Variants in C10orf90 observed in about 807,000 individuals in gnomAD.
C10orf90 encodes (E2-independent) E3 ubiquitin-conjugating enzyme FATS.
A neutral mutation model predicts 62.5 loss-of-function variants in C10orf90; 56 were observed. The observed-to-expected ratio is 0.90, with a 90% CI of 0.72 to 1.12. C10orf90 has a LOEUF of 1.12. Ranked by LOEUF, C10orf90 falls within the 50% of genes most tolerant of loss-of-function variation. The pLI is 0.00. For missense variants in C10orf90, 970 were observed against 880.4 expected (o/e 1.10, Z -1.29); for synonymous variants, 386 against 340.4 (o/e 1.13, Z -1.47).
chr10:126,488,905 C>A (rs966762914), intron 4 of C10orf90, among the ~76,000 whole-genome samples: 1 of 152,036 alleles, frequency 6.6e-6, no homozygotes, highest in Non-Finnish European at 1.5e-5. Flanking sequence ...ACCTTTCCCA[C>A]AGAGAAAACT....
At chr10:126,473,365 C>A (rs943474228) in intron 4 of C10orf90, among the ~76,000 whole-genome samples, 2 of 152,152 alleles carry the variant, frequency 1.3e-5, no homozygotes, top group Non-Finnish European at 2.9e-5. Context: ...AGAAAACCCC[C>A]ATTTTGTTCA....
chr10:126,579,474 C>T (rs573523698), intron 2 of C10orf90, among the ~76,000 whole-genome samples: 1 of 152,152 alleles, frequency 6.6e-6, no homozygotes, highest in East Asian at 1.9e-4. Context: ...CTCCTGAACT[C>T]AAGCGATCCA....
Position 126,461,478 on chromosome 10 carries a change from C to T in C10orf90, c.1933G>A (p.Asp645Asn), listed in dbSNP as rs765589979. Residue 645 changes from aspartate (D) to asparagine (N), a missense_variant, in exon 6 of 10, where the codon GAT becomes AAT. Transcript: ENST00000488181. ...SPAAPSPAPR[D>N]GAGSPGLSED... is the part of the protein sequence containing the mutation. ...GACAGGCCAGGGCTCCCTGCTCCAT[C>T]GCGGGGTGCTGGCGAGGGTGCTGCT... 3.6e-5 allele frequency: 58 copies of T among 1,614,000 alleles called. No individual in the cohort carries two copies. Among genetic ancestry groups the T allele is most frequent in the Middle Eastern group, 3.3e-4 (2 of 6,084 alleles).
intron 7 of C10orf90, among the ~76,000 whole-genome samples, chr10:126,440,498 A>T (rs561838493): frequency 6.6e-6 from 1 of 152,248 alleles, no homozygotes; most frequent in East Asian, 1.9e-4. Flanking sequence ...TGGGAGTTCT[A>T]GGGCCCTGCC....
chr10:126,481,871 C>T (rs1301310024), intron 4 of C10orf90, among the ~76,000 whole-genome samples: 1 of 152,190 alleles, frequency 6.6e-6, no homozygotes, highest in Non-Finnish European at 1.5e-5. Context: ...AAAATGATGA[C>T]TCTAATCTTC....
At chr10:126,427,479 T>C (rs1034916891) in intron 8 of C10orf90, among the ~76,000 whole-genome samples, 6 of 152,114 alleles carry the variant, frequency 3.9e-5, no homozygotes, top group African/African-American at 1.2e-4. Context: ...CCAGAGGAGA[T>C]TGGCATTTCA....
chr10:126,574,716 G>C (rs1490430084), intron 2 of C10orf90, among the ~76,000 whole-genome samples: 1 of 151,970 alleles, frequency 6.6e-6, no homozygotes, highest in Non-Finnish European at 1.5e-5. Flanking sequence ...ATAATCTCCA[G>C]TACCCATTTA....
chr10:126,522,815 T>C (rs1863807725), intron 2 of C10orf90: 1 of 152,190 alleles, frequency 6.6e-6, no homozygotes, highest in African/African-American at 2.4e-5. Context: ...TAGAACAGCT[T>C]GAGTTTTGAC....
At chr10:126,509,514 G>A (rs1212176717) in intron 3 of C10orf90, among the ~76,000 whole-genome samples, 1 of 152,180 alleles carries the variant, frequency 6.6e-6, no homozygotes, top group African/African-American at 2.4e-5. Flanking sequence ...CCAATACATT[G>A]AAATTTTGCT....
intron 2 of C10orf90, among the ~76,000 whole-genome samples, chr10:126,629,280 C>T (rs796462346): frequency 1.4e-4 from 22 of 152,214 alleles, no homozygotes; most frequent in African/African-American, 5.1e-4. Flanking sequence ...ATCTTTTTGG[C>T]GAGAGAACTA....
At chr10:126,624,961 G>C (rs980282421) in intron 2 of C10orf90, among the ~76,000 whole-genome samples, 1 of 152,178 alleles carries the variant, frequency 6.6e-6, no homozygotes, top group African/African-American at 2.4e-5. Flanking sequence ...CAGAGAGCGG[G>C]CAGTCTATTA....
intron 4 of C10orf90, among the ~76,000 whole-genome samples, chr10:126,494,039 A>G (rs994751907): frequency 6.6e-6 from 1 of 152,204 alleles, no homozygotes; most frequent in Admixed American, 6.5e-5. Flanking sequence ...ATGCACAAGG[A>G]TATTTATGAA....
intron 1 of C10orf90, among the ~76,000 whole-genome samples, chr10:126,653,620 G>A (rs536036416): frequency 2.0e-5 from 3 of 152,240 alleles, no homozygotes; most frequent in East Asian, 3.9e-4. Flanking sequence ...AGTCATCCAT[G>A]AGGGTTGGAA....
intron 2 of C10orf90, among the ~76,000 whole-genome samples, chr10:126,608,490 C>T (rs1845363343): frequency 6.6e-6 from 1 of 152,086 alleles, no homozygotes; most frequent in African/African-American, 2.4e-5. Context: ...CACTTAACCA[C>T]AAAATAAAAT....
intron 1 of C10orf90, among the ~76,000 whole-genome samples, chr10:126,657,013 T>C (rs1164218906): frequency 6.6e-6 from 1 of 152,190 alleles, no homozygotes; most frequent in African/African-American, 2.4e-5. Context: ...ATCCCAGGCA[T>C]TCATACTTTG....
intron 2 of C10orf90, among the ~76,000 whole-genome samples, chr10:126,555,413 C>T (rs1864739822): frequency 6.6e-6 from 1 of 152,098 alleles, no homozygotes; most frequent in Non-Finnish European, 1.5e-5. Flanking sequence ...TGACTCATGC[C>T]TGTAATCCCA....
At chr10:126,479,457 C>G (rs376861160) in intron 4 of C10orf90, among the ~76,000 whole-genome samples, 2 of 152,286 alleles carry the variant, frequency 1.3e-5, no homozygotes, top group East Asian at 3.9e-4. Context: ...ATCCCAGATC[C>G]GGAGGGCGAG....
At chr10:126,428,186 G>A (rs1857368994) in intron 8 of C10orf90, among the ~76,000 whole-genome samples, 1 of 151,982 alleles carries the variant, frequency 6.6e-6, no homozygotes, top group African/African-American at 2.4e-5. Flanking sequence ...AAATCACATA[G>A]CTATATATGC....
chr10:126,568,991 C>T (rs912086643), intron 2 of C10orf90, among the ~76,000 whole-genome samples: 4 of 152,070 alleles, frequency 2.6e-5, no homozygotes, highest in Admixed American at 6.6e-5. Flanking sequence ...GGCACCAGAG[C>T]CCTGCTGGGG....
Sources: gnomAD v4.1 joint callset for allele counts (sites outside exome capture counted in the v4.1 genomes callset) on GRCh38, gnomAD v4.1.1 for gene constraint, MANE v1.5 for transcripts, NCBI Gene and HGNC (gene_info 2026-07-23, HGNC 2026-07-21) for gene names.